EP400: variants seen among roughly 807,000 people sequenced by gnomAD.
EP400 encodes E1A binding protein p400.
Under a neutral mutation model 354.1 loss-of-function variants are expected in EP400, and 105 were observed. That is an observed-to-expected ratio of 0.30 (90% CI 0.25 to 0.35). The LOEUF is 0.35. Among genes scored for constraint, EP400 ranks in the 10% least tolerant of loss-of-function variants. The probability of loss-of-function intolerance (pLI) is 1.00; values close to 1 mark genes in which losing one functional copy is unlikely to be tolerated. For synonymous variants in EP400, 1,646 were observed against 1,716.9 expected (o/e 0.96, Z 1.02); for missense variants, 3,280 against 4,121.0 (o/e 0.80, Z 5.59).
chr12:132,001,140 A>G (rs887999250), intron 12 of EP400, among the ~76,000 whole-genome samples: 3 of 152,036 alleles, frequency 2.0e-5, no homozygotes, highest in Admixed American at 6.5e-5. Context: ...ACAAAGAGAT[A>G]AAAGAAAAGA....
rs748489085 is a variant in EP400 at position 132,029,930 on chromosome 12, G to A, written c.5584+27G>A. The A allele has an allele frequency of 4.2e-5, 68 of 1,611,132 alleles. No individual in the cohort carries two copies. The highest frequency in any genetic ancestry group is 1.4e-4 in the South Asian group (13 of 91,058). ...TATGCGGCAGTTGGGGGCGTGGCCC[G>A]TGCGGGAGCTGCACCGGCCCTGGAT... is the stretch of plus-strand genomic sequence containing the variant. On this transcript the variant is annotated intron_variant, in intron 28 of 52. Transcript: ENST00000389561. This position sits in a 1 kb window ranked among gnomAD's most constrained non-coding sequence, Gnocchi z 4.7.
At chr12:132,036,279 C>G (rs1251184831) in intron 30 of EP400, among the ~76,000 whole-genome samples, 2 of 151,392 alleles carry the variant, frequency 1.3e-5, no homozygotes, top group African/African-American at 2.4e-5. Flanking sequence ...GAAGGACACA[C>G]CCAGGTTCGC....
At position 132,017,556 on chromosome 12, in the gene EP400, C is replaced by T. The variant is rs540244111; in HGVS notation, c.3945C>T (p.Ser1315=). The T allele has an allele frequency of 1.5e-5, 24 of 1,614,008 alleles. No homozygotes were observed. Among genetic ancestry groups the T allele is most frequent in the Middle Eastern group, 1.7e-4 (1 of 6,056 alleles). The change falls in exon 20 of 53, where the codon AGC becomes AGT. Residue 1315 remains serine (S), a synonymous_variant. Transcript: ENST00000389561. The surrounding 1 kb of genome is among the most constrained non-coding windows in gnomAD (Gnocchi z 5.0). ...GCAGCACTCAGGAGGCCTTGAAGAGCGGGCACTTTGTCAACGTCCTGAGCA... is the reference window on the plus strand; with the variant it reads ...GCAGCACTCAGGAGGCCTTGAAGAGTGGGCACTTTGTCAACGTCCTGAGCA... ...LQPGTQEALK[S]GHFVNVLSIL...
chr12:131,954,119 C>CA (rs1566157234), intron 1 of EP400, among the ~76,000 whole-genome samples: 1 of 151,788 alleles, frequency 6.6e-6, no homozygotes, highest in Non-Finnish European at 1.5e-5. Flanking sequence ...TCTTAAAAAA[C>CA]AAGAGAAAAT....
chr12:131,994,567 G>A lies in EP400; in HGVS notation c.2738-300G>A, dbSNP rs181596443. On this transcript the variant is annotated intron_variant, in intron 11 of 52. Transcript: ENST00000389561. This position sits in a 1 kb window ranked among gnomAD's most constrained non-coding sequence, Gnocchi z 4.6. Reference sequence around the variant, plus strand: ...GTGATCCCAGATGGCATGCCTGTGGGCTTTCCACAGTGGGGCTCTGCAGGA... The same window carrying A: ...GTGATCCCAGATGGCATGCCTGTGGACTTTCCACAGTGGGGCTCTGCAGGA... Among the ~76,000 whole-genome samples, 2 of 152,240 alleles carry A rather than the reference G, an allele frequency of 1.3e-5. No individual in the cohort carries two copies. The highest frequency in any genetic ancestry group is 2.9e-5 in the Non-Finnish European group (2 of 68,018).
intron 1 of EP400, among the ~76,000 whole-genome samples, chr12:131,953,522 A>G (rs144878182): frequency 8.5e-4 from 129 of 152,344 alleles, no homozygotes; most frequent in Non-Finnish European, 1.3e-3. Flanking sequence ...ATCCACCATT[A>G]CAGCACCCTG....
rs1593341176 is a variant in EP400, at chr12:132,006,123, T to C, written c.2947T>C (p.Cys983Arg). ...TATTGTCGTTACAGATGCAGATGACTGTCCAGGCGACAGGGAGAGTCGCAA... is the reference window on the plus strand; with the variant it reads ...TATTGTCGTTACAGATGCAGATGACCGTCCAGGCGACAGGGAGAGTCGCAA... ...DTSGEEDADD[C>R]PGDRESRKDL... The change falls in exon 14 of 53, where the codon TGT (cysteine) becomes CGT (arginine). Residue 983 changes from cysteine (C) to arginine (R), a missense_variant. Coordinates refer to ENST00000389561, the MANE Select transcript of EP400 (RefSeq NM_015409.5). 1 of 1,613,742 alleles carries C rather than the reference T, an allele frequency of 6.2e-7. No homozygotes were observed. The highest frequency in any genetic ancestry group is 8.5e-7 in the Non-Finnish European group (1 of 1,179,668).
intron 47 of EP400, among the ~76,000 whole-genome samples, chr12:132,064,155 G>A (rs898837291): frequency 2.0e-5 from 3 of 151,688 alleles, no homozygotes; most frequent in East Asian, 1.9e-4. Flanking sequence ...CACCAGTGCC[G>A]TCAACATCAA....
At chr12:132,031,931 C>T (rs1231869157) in intron 29 of EP400, 22 bp from the exon 30 acceptor site, 2 of 1,586,962 alleles carry the variant, frequency 1.3e-6, no homozygotes, top group Admixed American at 1.8e-5. Context: ...AATACTAACT[C>T]CTGTGTTTTG....
At chr12:132,016,893 A>G (rs1236418018) in intron 19 of EP400, among the ~76,000 whole-genome samples, 3 of 152,084 alleles carry the variant, frequency 2.0e-5, no homozygotes, top group South Asian at 4.2e-4. Flanking sequence ...TCTTCCCACA[A>G]GTCTGCCATC....
At chr12:132,022,719 A>C (rs560327646) in intron 23 of EP400, among the ~76,000 whole-genome samples, 2 of 151,964 alleles carry the variant, frequency 1.3e-5, no homozygotes, top group Admixed American at 1.3e-4. Context: ...AATTCAAATT[A>C]GTATGAAGCT....
At chr12:131,976,940 T>G (rs572409380) in intron 2 of EP400, among the ~76,000 whole-genome samples, 28 of 152,300 alleles carry the variant, frequency 1.8e-4, no homozygotes, top group Middle Eastern at 3.4e-3. Context: ...GCTATGTGTC[T>G]TTAGGTTTGA....
chr12:131,960,631 C>T lies in EP400; in HGVS notation c.12C>T (p.Gly4=), dbSNP rs745352509. 3.9e-5 allele frequency: 62 copies of T among 1,589,188 alleles called. No individual in the cohort carries two copies. The highest frequency in any genetic ancestry group is 4.9e-5 in the Non-Finnish European group (57 of 1,168,702). MHH[G]TGPQNVQHQL... ...GAAGGGAGGTGATCATGCACCATGG[C>T]ACTGGCCCCCAGAACGTCCAGCATC... is the stretch of plus-strand genomic sequence containing the variant. Residue 4 remains glycine (G), a synonymous_variant, in exon 2 of 53, where the codon GGC becomes GGT. Coordinates refer to ENST00000389561, the MANE Select transcript of EP400 (RefSeq NM_015409.5).
At chr12:131,951,402 C>T (rs1046946502) in intron 1 of EP400, among the ~76,000 whole-genome samples, 2 of 150,380 alleles carry the variant, frequency 1.3e-5, no homozygotes, top group South Asian at 2.1e-4. Context: ...AGGCTGGTCT[C>T]GAACTCCTGA....
Position 132,067,623 on chromosome 12 carries a change from C to A in EP400, c.8874+137C>A. 2 of 1,217,552 alleles carry A rather than the reference C, an allele frequency of 1.6e-6. No homozygotes were observed. Among genetic ancestry groups the A allele is most frequent in the Non-Finnish European group, 2.3e-6 (2 of 883,126 alleles). 75.4% of individuals were successfully genotyped at this position (1,217,552 alleles called of 1,614,324 possible). On this transcript the variant is annotated intron_variant, in intron 50 of 52. Transcript: ENST00000389561. This position sits in a 1 kb window ranked among gnomAD's most constrained non-coding sequence, Gnocchi z 5.3. ...AGGGTGGCTTCAAGGGCTGGAGGTGCTAGTGTGGTCATCCCTGTTGGTTTT... is the reference window on the plus strand; with the variant it reads ...AGGGTGGCTTCAAGGGCTGGAGGTGATAGTGTGGTCATCCCTGTTGGTTTT...
intron 12 of EP400, among the ~76,000 whole-genome samples, chr12:131,999,172 C>T (rs553127666): frequency 8.5e-5 from 13 of 152,074 alleles, no homozygotes; most frequent in African/African-American, 3.1e-4. Context: ...ACTGACCCCA[C>T]GGCCTCGGTC....
At chr12:131,964,571 TTTG>T (rs1835756768) in intron 2 of EP400, among the ~76,000 whole-genome samples, 1 of 152,228 alleles carries the variant, frequency 6.6e-6, no homozygotes, top group Non-Finnish European at 1.5e-5. Flanking sequence ...CCTTGGGATT[TTTG>T]TTGTTACTTT....
chr12:132,046,444 A>ACTTT (rs1895100503), intron 39 of EP400, among the ~76,000 whole-genome samples: 1 of 152,224 alleles, frequency 6.6e-6, no homozygotes, highest in Admixed American at 6.5e-5. Context: ...TACTTAAAGA[A>ACTTT]AAGTCTGTTA....
intron 45 of EP400, among the ~76,000 whole-genome samples, chr12:132,061,844 A>C (rs970268795): frequency 6.6e-6 from 1 of 152,208 alleles, no homozygotes. Context: ...GAGGGACAGG[A>C]CGGCCTTTCC....
Sources: allele counts gnomAD v4.1 joint callset (sites outside exome capture counted in the v4.1 genomes callset), GRCh38; gene constraint gnomAD v4.1.1; non-coding constraint Gnocchi (gnomAD v3.1); transcripts MANE v1.5; gene names NCBI Gene and HGNC (gene_info 2026-07-23, HGNC 2026-07-21).